The following TEF variants were observed in gnomAD, a reference collection of about 807,000 sequenced individuals.
TEF encodes TEF transcription factor, PAR bZIP family member, also known as thyrotroph embryonic factor.
TEF carries 3 observed loss-of-function variants against 20.8 expected under a neutral mutation model. That is an observed-to-expected ratio of 0.14 (90% CI 0.07 to 0.37). The LOEUF is 0.37. Among genes scored for constraint, TEF ranks in the 10% least tolerant of loss-of-function variants. The probability of loss-of-function intolerance (pLI) is 1.00; values close to 1 mark genes in which losing one functional copy is unlikely to be tolerated. For synonymous variants in TEF, 180 were observed against 171.1 expected (o/e 1.05, Z -0.41); for missense variants, 296 against 397.9 (o/e 0.74, Z 2.18).
At chr22:41,369,132 G>C (rs2036851908) in intron 1 of TEF, 3 of 985,248 alleles carry the variant, frequency 3.0e-6, no homozygotes, top group Non-Finnish European at 3.6e-6. Flanking sequence ...GGGCAGGGAG[G>C]ATTCTCAGGG....
chr22:41,383,150 A>G (rs1038074692), intron 1 of TEF, among the ~76,000 whole-genome samples: 71 of 152,152 alleles, frequency 4.7e-4, no homozygotes, highest in African/African-American at 1.6e-3. Context: ...TAGGCCTTCG[A>G]GAGTTGTCTG....
At chr22:41,390,988 GAAC>G in intron 2 of TEF, among the ~76,000 whole-genome samples, 1 of 152,044 alleles carries the variant, frequency 6.6e-6, no homozygotes, top group Non-Finnish European at 1.5e-5. Flanking sequence ...GCGTCACTTT[GAAC>G]AACATTCTCA....
At chr22:41,388,842 C>CT (rs1328787944) in intron 2 of TEF, among the ~76,000 whole-genome samples, 2 of 151,988 alleles carry the variant, frequency 1.3e-5, no homozygotes, top group Admixed American at 6.6e-5. Context: ...TTCTCATACT[C>CT]TATTTTTTTT....
chr22:41,372,489 C>T (rs1005896123), intron 1 of TEF, among the ~76,000 whole-genome samples: 3 of 152,120 alleles, frequency 2.0e-5, no homozygotes, highest in Non-Finnish European at 4.4e-5. Flanking sequence ...ATCCACTCTA[C>T]GAATAAGGAC....
At chr22:41,373,834 G>A (rs2036910463) in intron 1 of TEF, among the ~76,000 whole-genome samples, 1 of 151,030 alleles carries the variant, frequency 6.6e-6, no homozygotes, top group African/African-American at 2.4e-5. Context: ...TGTGGCCTCG[G>A]CTCACTGCAA....
intron 1 of TEF, among the ~76,000 whole-genome samples, chr22:41,384,864 C>T (rs1355797602): frequency 6.6e-6 from 1 of 152,152 alleles, no homozygotes; most frequent in Non-Finnish European, 1.5e-5. Flanking sequence ...AGCAATTCTC[C>T]TGCCTCAGCC....
chr22:41,369,203 T>C (rs2036852745), intron 1 of TEF: 20 of 985,388 alleles, frequency 2.0e-5, no homozygotes, highest in Non-Finnish European at 2.4e-5. Context: ...TGGCAGCAGC[T>C]GCCGGTCTCT....
At chr22:41,389,512 T>TG (rs200040074) in intron 2 of TEF, among the ~76,000 whole-genome samples, 34,709 of 145,048 alleles carry the variant, frequency 0.24, 4,582 homozygotes, top group Admixed American at 0.42. Flanking sequence ...CCCAGCTACT[T>TG]GGAGGCTGAG....
chr22:41,382,163 AG>A lies in TEF; in HGVS notation c.120del (p.Lys41SerfsTer2). ...GLSGSFPLVL[K>X]KLMENPPREA... ...TCGGGGTCCTTCCCCCTGGTCCTGA[AG>A]AAGCTGATGGAGAACCCCCCGCGCG... On this transcript the variant is annotated frameshift_variant, in exon 1 of 4. Transcript: ENST00000266304. LOFTEE classifies it high-confidence loss of function. 2 of 1,237,016 alleles carry A rather than the reference AG, an allele frequency of 1.6e-6. No homozygotes were observed. The highest frequency in any genetic ancestry group is 2.0e-6 in the Non-Finnish European group (2 of 991,008). 76.6% of individuals were successfully genotyped at this position (1,237,016 alleles called of 1,614,324 possible).
intron 1 of TEF, among the ~76,000 whole-genome samples, chr22:41,385,216 C>T (rs1168536891): frequency 1.3e-5 from 2 of 151,918 alleles, no homozygotes; most frequent in South Asian, 2.1e-4. Context: ...CAAAATTAGC[C>T]GGGCATGGTA....
intron 1 of TEF, chr22:41,370,208 G>A (rs1301637267): frequency 3.3e-6 from 2 of 600,576 alleles, no homozygotes; most frequent in African/African-American, 4.1e-5. Flanking sequence ...TCTGCCTCCT[G>A]GGTTCAAGCA....
At chr22:41,382,859 G>C (rs562700613) in intron 1 of TEF, 80 of 470,892 alleles carry the variant, frequency 1.7e-4, no homozygotes, top group African/African-American at 1.3e-3. Context: ...ATGAGGGTCA[G>C]ATGAGTCCAC....
At chr22:41,394,011 G>C (rs1344624594) in intron 2 of TEF, 85 bp from the exon 3 acceptor site, 2 of 1,309,388 alleles carry the variant, frequency 1.5e-6, no homozygotes, top group East Asian at 4.6e-5. Context: ...GCAGCCTTGA[G>C]GTTCAACCAG....
chr22:41,387,487 C>T lies in TEF; in HGVS notation c.294C>T (p.Tyr98=), dbSNP rs1251507197. 3.1e-6 allele frequency: 5 copies of T among 1,614,076 alleles called. No homozygotes were observed. The highest frequency in any genetic ancestry group is 4.2e-6 in the Non-Finnish European group (5 of 1,180,048). The change falls in exon 2 of 4, where the codon TAC becomes TAT. Residue 98 remains tyrosine (Y), a synonymous_variant. Coordinates refer to ENST00000266304, the MANE Select transcript of TEF (RefSeq NM_003216.4). ...PYDGESFHLE[Y]MDLDEFLLEN... is the part of the protein sequence containing the mutation. The stretch of plus-strand genomic sequence containing the variant: ...ATGGCGAATCTTTCCACCTGGAGTA[C>T]ATGGACCTGGATGAGTTCCTGCTGG...
At chr22:41,378,922 G>A (rs929830520), upstream of TEF, among the ~76,000 whole-genome samples, 1 of 152,232 alleles carries the variant, frequency 6.6e-6, no homozygotes, top group Non-Finnish European at 1.5e-5. Context: ...TCACTACAGA[G>A]AGTGACACAG....
At chr22:41,388,671 A>G (rs1000830588) in intron 2 of TEF, among the ~76,000 whole-genome samples, 1 of 151,480 alleles carries the variant, frequency 6.6e-6, no homozygotes, top group Admixed American at 6.6e-5. Context: ...TTTACATTTT[A>G]TCTCTGGGGG....
intron 1 of TEF, 148 bp downstream of exon 1, chr22:41,382,349 A>C: frequency 4.4e-6 from 3 of 683,914 alleles, no homozygotes; most frequent in Non-Finnish European, 6.1e-6. Flanking sequence ...AGCCTGGAGG[A>C]CGAGGCCGGG....
At chr22:41,377,273 GAGGCAAGCACAT>G (rs2036954531), upstream of TEF, 1 of 152,200 alleles carries the variant, frequency 6.6e-6, no homozygotes, top group Non-Finnish European at 1.5e-5. Context: ...TTGCGCTGCT[GAGGCAAGCACAT>G]CAGGCTAATT....
intron 2 of TEF, among the ~76,000 whole-genome samples, chr22:41,388,226 A>G (rs1169020373): frequency 6.6e-6 from 1 of 151,584 alleles, no homozygotes; most frequent in Non-Finnish European, 1.5e-5. Context: ...TCGAACTCCT[A>G]ACCTCTGGTG....
Sources: gnomAD v4.1 joint callset for allele counts (sites outside exome capture counted in the v4.1 genomes callset) on GRCh38, gnomAD v4.1.1 for gene constraint, MANE v1.5 for transcripts, NCBI Gene and HGNC (gene_info 2026-07-23, HGNC 2026-07-21) for gene names.